The following CTNNA3 variants were observed in gnomAD, a reference collection of about 807,000 sequenced individuals.
The protein encoded by CTNNA3 is catenin alpha 3, also known as catenin alpha-3.
In CTNNA3, 76 loss-of-function variants were observed where a neutral mutation model predicts 95.7. The ratio of observed to expected loss-of-function variants is 0.79; its 90% CI spans 0.66 to 0.96. The LOEUF (loss-of-function observed/expected upper bound fraction) is 0.96. Ranked by LOEUF, CTNNA3 falls within the 40% of genes least tolerant of loss-of-function variation. The pLI is 0.00. For synonymous variants in CTNNA3, 431 were observed against 374.4 expected (o/e 1.15, Z -1.74); for missense variants, 1,191 against 1,089.8 (o/e 1.09, Z -1.31).
intron 5 of CTNNA3, among the ~76,000 whole-genome samples, chr10:67,311,523 T>C (rs1018183720): frequency 1.3e-5 from 2 of 152,198 alleles, no homozygotes; most frequent in African/African-American, 4.8e-5. Context: ...TCTAGAGTGA[T>C]AGAAATCTTA....
intron 2 of CTNNA3, among the ~76,000 whole-genome samples, chr10:67,630,596 G>GC (rs1006632765): frequency 3.8e-4 from 58 of 152,202 alleles, no homozygotes; most frequent in African/African-American, 1.3e-3. Context: ...AGGTAAACTT[G>GC]CCCCAGTGAG....
In CTNNA3 at chr10:65,917,551, T is replaced by C. The variant is rs1182059195; in HGVS notation, c.*2779A>G. ...GGGATGGAACTGCTCCTGTGGGTGG[T>C]AAACACCCCTCTCCTCCCTCTCAAG... On this transcript the variant is annotated 3_prime_UTR_variant, in exon 18 of 18. Coordinates refer to ENST00000433211, the MANE Select transcript of CTNNA3 (RefSeq NM_013266.4). The C allele has an allele frequency of 6.6e-6, 1 of 151,992 alleles. No individual in the cohort carries two copies. The highest frequency in any genetic ancestry group is 1.9e-4 in the East Asian group (1 of 5,160). The allele number at this position is 151,992 out of a possible 1,614,324, so 9.4% of individuals were successfully genotyped here.
rs566162052 is a variant in CTNNA3 at position 66,145,994 on chromosome 10, T to C, written c.1885-42745A>G. ...TCAGCCTCCCGAGTAGCTGGGACTA[T>C]AGGCACGCGCCACCAAGCCCTGCTA... On this transcript the variant is annotated intron_variant, in intron 13 of 17. Coordinates refer to ENST00000433211, the MANE Select transcript of CTNNA3 (RefSeq NM_013266.4). Among the ~76,000 whole-genome samples the C allele has an allele frequency of 2.0e-3, 309 of 152,090 alleles. 1 individual carries two copies. Among genetic ancestry groups the C allele is most frequent in the African/African-American group, 6.9e-3 (288 of 41,538 alleles).
In CTNNA3 at chr10:65,913,022, G is replaced by A. The variant is rs973004360; in HGVS notation, c.*7308C>T. ...CAAGATAGTCAGAAACACCTCAAAC[G>A]CCACTAAACTTAAGTTCCCAAGATA... On this transcript the variant is annotated 3_prime_UTR_variant, in exon 18 of 18. Transcript: ENST00000433211. 18 of 152,074 alleles carry A rather than the reference G, an allele frequency of 1.2e-4. No homozygotes were observed. Among genetic ancestry groups the A allele is most frequent in the African/African-American group, 3.9e-4 (16 of 41,400 alleles). 9.4% of individuals were successfully genotyped at this position (152,074 alleles called of 1,614,324 possible). A position where few individuals can be genotyped will look rare whatever the true frequency, so the allele number is the denominator to read the frequency against.
At chr10:67,245,261 G>T (rs887182730) in intron 5 of CTNNA3, among the ~76,000 whole-genome samples, 1 of 151,992 alleles carries the variant, frequency 6.6e-6, no homozygotes, top group Non-Finnish European at 1.5e-5. Context: ...AAACTTTTCA[G>T]TGAGACCTCC....
intron 12 of CTNNA3, among the ~76,000 whole-genome samples, chr10:66,339,441 G>A (rs1278055760): frequency 1.3e-5 from 2 of 151,576 alleles, no homozygotes; most frequent in Non-Finnish European, 3.0e-5. Flanking sequence ...AGAGGTAATA[G>A]GTTCACCAAT....
intron 7 of CTNNA3, among the ~76,000 whole-genome samples, chr10:66,828,497 C>T (rs966818177): frequency 6.6e-6 from 1 of 152,156 alleles, no homozygotes; most frequent in African/African-American, 2.4e-5. Context: ...AAGCAGAAAC[C>T]ATTCTTTTTT....
chr10:67,203,388 T>G (rs1488970186), intron 6 of CTNNA3, among the ~76,000 whole-genome samples: 1 of 152,174 alleles, frequency 6.6e-6, no homozygotes, highest in Non-Finnish European at 1.5e-5. Context: ...TCCCTAGCCA[T>G]GTGGAACTGT....
chr10:66,928,744 G>A (rs1368673301), intron 7 of CTNNA3, among the ~76,000 whole-genome samples: 1 of 151,988 alleles, frequency 6.6e-6, no homozygotes, highest in Non-Finnish European at 1.5e-5. Flanking sequence ...CATTAATGTC[G>A]CATTTGTTTT....
At chr10:66,409,537 TATG>T (rs2093085539) in intron 11 of CTNNA3, among the ~76,000 whole-genome samples, 1 of 152,162 alleles carries the variant, frequency 6.6e-6, no homozygotes. Flanking sequence ...AGTGGTGCAG[TATG>T]ATGAATATGA....
intron 7 of CTNNA3, among the ~76,000 whole-genome samples, chr10:66,870,542 C>A (rs949601449): frequency 6.6e-6 from 1 of 152,156 alleles, no homozygotes; most frequent in African/African-American, 2.4e-5. Context: ...TTCAGTATCA[C>A]CCCAAATGCT....
chr10:66,425,687 TACAC>T lies in CTNNA3; in HGVS notation c.1532-46339_1532-46336del, dbSNP rs71035140. ...TTCTTCATATAAAGATATATATATA[TACAC>T]ACACACACATATATACACACACATA... On this transcript the variant is annotated intron_variant, in intron 11 of 17. Transcript: ENST00000433211. 3.0e-3 allele frequency among the ~76,000 whole-genome samples: 456 copies of T among 151,344 alleles called. 1 individual carries two copies. Among genetic ancestry groups the T allele is most frequent in the Non-Finnish European group, 5.3e-3 (357 of 67,810 alleles).
At chr10:66,500,725 T>A (rs1840251534) in intron 11 of CTNNA3, among the ~76,000 whole-genome samples, 1 of 152,140 alleles carries the variant, frequency 6.6e-6, no homozygotes, top group Non-Finnish European at 1.5e-5. Context: ...AAGGACGTAT[T>A]TTTCTTTCCT....
intron 13 of CTNNA3, among the ~76,000 whole-genome samples, chr10:66,199,785 ATATATATATATATATATATATTTTTT>A (rs2087226772): frequency 9.1e-5 from 1 of 11,034 alleles, no homozygotes; most frequent in African/African-American, 3.8e-4. Context: ...ATATATATAT[ATATATATATATATATATATATTTTTT>A]TTTTTTTTTT....
chr10:67,616,916 T>C (rs886653374), intron 2 of CTNNA3, among the ~76,000 whole-genome samples: 2 of 152,126 alleles, frequency 1.3e-5, no homozygotes, highest in African/African-American at 2.4e-5. Flanking sequence ...TTGAATGAGA[T>C]CTCTTAAAAA....
intron 12 of CTNNA3, among the ~76,000 whole-genome samples, chr10:66,363,487 A>T (rs2092691056): frequency 6.6e-6 from 1 of 152,166 alleles, no homozygotes; most frequent in African/African-American, 2.4e-5. Context: ...CCCTCACCAG[A>T]TGCTGATGAT....
rs2091473256 is a variant in CTNNA3 at position 66,280,514 on chromosome 10, A to T, written c.1840T>A (p.Tyr614Asn). ...CATCTGATATCATGAATTGTATCAT[A>T]GATCTTCTTTGAGATGTCCACAAAT... is the stretch of plus-strand genomic sequence containing the variant. ...NQFVDISKKI[Y>N]DTIHDIRCSV... Residue 614 changes from tyrosine (Y) to asparagine (N), a missense_variant, in exon 13 of 18, where the codon TAT (tyrosine) becomes AAT (asparagine). Transcript: ENST00000433211. 1 of 1,609,958 alleles carries T rather than the reference A, an allele frequency of 6.2e-7. No individual in the cohort carries two copies. The highest frequency in any genetic ancestry group is 8.5e-7 in the Non-Finnish European group (1 of 1,178,220).
intron 11 of CTNNA3, among the ~76,000 whole-genome samples, chr10:66,404,782 G>GGTT (rs111915906): frequency 1.3e-5 from 2 of 149,148 alleles, no homozygotes; most frequent in African/African-American, 4.9e-5. Flanking sequence ...TTTCCTGTGG[G>GGTT]TTTTTTTTTT....
At chr10:67,348,246 T>A (rs1342798950) in intron 5 of CTNNA3, among the ~76,000 whole-genome samples, 2 of 152,152 alleles carry the variant, frequency 1.3e-5, no homozygotes, top group Non-Finnish European at 2.9e-5. Context: ...GGCAGTGATT[T>A]CATGAATATC....
Sources: gnomAD v4.1 joint callset for allele counts (sites outside exome capture counted in the v4.1 genomes callset) on GRCh38, gnomAD v4.1.1 for gene constraint, MANE v1.5 for transcripts, NCBI Gene and HGNC (gene_info 2026-07-23, HGNC 2026-07-21) for gene names.